ALS2: variants seen among roughly 807,000 people sequenced by gnomAD.
ALS2 encodes alsin Rho guanine nucleotide exchange factor ALS2.
In ALS2, 117 loss-of-function variants were observed where a neutral mutation model predicts 203.4. That is an observed-to-expected ratio of 0.58 (90% CI 0.50 to 0.67). ALS2 has a LOEUF of 0.67. Among genes scored for constraint, ALS2 ranks in the 30% least tolerant of loss-of-function variants. The pLI is 0.00. For synonymous variants in ALS2, 718 were observed against 725.9 expected (o/e 0.99, Z 0.17); for missense variants, 1,715 against 1,989.4 (o/e 0.86, Z 2.62).
At chr2:201,759,693 G>A in intron 4 of ALS2, 1 of 983,918 alleles carries the variant, frequency 1.0e-6, no homozygotes, top group Non-Finnish European at 1.2e-6. Flanking sequence ...AAGTTTCAGT[G>A]AATAGATTGT....
chr2:201,712,622 A>G (rs1203214186), intron 25 of ALS2, among the ~76,000 whole-genome samples: 4 of 152,230 alleles, frequency 2.6e-5, no homozygotes, highest in Non-Finnish European at 5.9e-5. Flanking sequence ...TAAACTCAAG[A>G]AAGTCACAGT....
rs1689582095 is a variant in ALS2, at chr2:201,704,516, T to G, written c.4776A>C (p.Glu1592Asp). The G allele has an allele frequency of 5.0e-6, 8 of 1,614,112 alleles. No individual in the cohort carries two copies. In the East Asian group the frequency reaches 1.8e-4, roughly 36 times the overall value. ...AGTCATCCATGGACCACAAGAAGTC[T>G]TCGTGGAGTGACGCCAGGACACTCT... ...ISQSVLASLH[E>D]DFLWSMDDLF... The change falls in exon 32 of 34, where the codon GAA becomes GAC. Residue 1592 changes from glutamate (E) to aspartate (D), a missense_variant. By Grantham distance (45) the Glu-to-Asp change is conservative (BLOSUM62 2). Transcript: ENST00000264276.
chr2:201,728,987 G>A (rs1691369859), intron 14 of ALS2, 65 bp downstream of exon 14: 3 of 1,610,250 alleles, frequency 1.9e-6, no homozygotes, highest in Admixed American at 1.7e-5. Context: ...AGAGAAAATT[G>A]TATCAATTGT....
intron 25 of ALS2, among the ~76,000 whole-genome samples, chr2:201,712,492 T>C (rs2105975828): frequency 6.6e-6 from 1 of 152,318 alleles, no homozygotes; most frequent in Middle Eastern, 3.4e-3. Context: ...CATGTGGAAA[T>C]GAAGACCAGC....
rs754661530 is a variant in ALS2 at position 201,749,772 on chromosome 2, G to A, written c.1755C>T (p.Ser585=). ...AATGCCCAAGTTGACCAAAGGTATT[G>A]CTACCCCATGAGTAAACCTATCAAA... ...TAKSQVYSWG[S]NTFGQLGHSD... is the part of the protein sequence containing the mutation. The change falls in exon 8 of 34, where the codon AGC becomes AGT. Residue 585 remains serine, a synonymous_variant. Transcript: ENST00000264276. The A allele has an allele frequency of 6.2e-7, 1 of 1,614,058 alleles. No individual in the cohort carries two copies. Among genetic ancestry groups the A allele is most frequent in the Non-Finnish European group, 8.5e-7 (1 of 1,179,954 alleles).
chr2:201,758,784 G>GTGTGTGTGTA (rs767192761), intron 4 of ALS2, among the ~76,000 whole-genome samples: 1 of 151,720 alleles, frequency 6.6e-6, no homozygotes, highest in Non-Finnish European at 1.5e-5. Context: ...GTGTGTGTGT[G>GTGTGTGTGTA]TTTGTTTGTA....
rs775642275 is a variant in ALS2, at chr2:201,709,939, A to G, written c.4222T>C (p.Leu1408=). 1.9e-6 allele frequency: 3 copies of G among 1,614,148 alleles called. No homozygotes were observed. The highest frequency in any genetic ancestry group is 2.2e-5 in the East Asian group (1 of 44,874). The change falls in exon 27 of 34, where the codon TTG becomes CTG. Residue 1408 remains leucine (L), a synonymous_variant. Coordinates refer to ENST00000264276, the MANE Select transcript of ALS2 (RefSeq NM_020919.4). ...YVGVGANRRL[L]QEAVKEIKSY... is the part of the protein sequence containing the mutation. ...TTAATCTCCTTTACAGCCTCCTGCAATAACCTGCGGTTGGCTCCTACGCCC... is the reference window on the plus strand; with the variant it reads ...TTAATCTCCTTTACAGCCTCCTGCAGTAACCTGCGGTTGGCTCCTACGCCC...
intron 8 of ALS2, among the ~76,000 whole-genome samples, chr2:201,749,146 C>G (rs748512362): frequency 6.6e-6 from 1 of 151,916 alleles, no homozygotes; most frequent in East Asian, 1.9e-4. Context: ...TGCTACAGAA[C>G]TTCATCAAAG....
intron 25 of ALS2, among the ~76,000 whole-genome samples, chr2:201,714,855 T>C (rs924002055): frequency 1.3e-5 from 2 of 152,060 alleles, no homozygotes; most frequent in Non-Finnish European, 2.9e-5. Context: ...AGCCCAGGAG[T>C]TCACAAACAA....
chr2:201,752,552 T>C (rs1006686355), intron 7 of ALS2, among the ~76,000 whole-genome samples: 3 of 152,188 alleles, frequency 2.0e-5, no homozygotes, highest in African/African-American at 7.2e-5. Flanking sequence ...TCAAATCAAA[T>C]ATTAAAAGGG....
At chr2:201,747,696 G>A (rs1426728883) in intron 8 of ALS2, among the ~76,000 whole-genome samples, 2 of 152,072 alleles carry the variant, frequency 1.3e-5, no homozygotes, top group African/African-American at 4.8e-5. Context: ...TGATTCGCCC[G>A]CCTCAGCCTC....
chr2:201,718,818 G>C (rs1036140023), intron 23 of ALS2, among the ~76,000 whole-genome samples: 3 of 152,124 alleles, frequency 2.0e-5, no homozygotes, highest in Admixed American at 2.0e-4. Flanking sequence ...GCAGTGCTTA[G>C]AGGGAAACTT....
At chr2:201,739,904 G>A (rs1692157725) in intron 11 of ALS2, among the ~76,000 whole-genome samples, 1 of 152,104 alleles carries the variant, frequency 6.6e-6, no homozygotes, top group Non-Finnish European at 1.5e-5. Context: ...TACACACTTG[G>A]GCTGGCAAAT....
intron 7 of ALS2, among the ~76,000 whole-genome samples, chr2:201,750,998 G>A (rs936996370): frequency 1.3e-5 from 2 of 151,632 alleles, no homozygotes; most frequent in African/African-American, 2.4e-5. Context: ...GATTACAGGC[G>A]CCTGTCATCA....
intron 29 of ALS2, among the ~76,000 whole-genome samples, 187 bp downstream of exon 29, chr2:201,706,659 C>T (rs1689737766): frequency 6.6e-6 from 1 of 150,660 alleles, no homozygotes; most frequent in Admixed American, 6.6e-5. Context: ...CAGCAGGTTT[C>T]ATACTCATCT....
chr2:201,772,099 T>C (rs1488786690), intron 1 of ALS2, among the ~76,000 whole-genome samples: 1 of 152,216 alleles, frequency 6.6e-6, no homozygotes, highest in Non-Finnish European at 1.5e-5. Context: ...CACAGTGATA[T>C]GTAAAGTAAC....
chr2:201,735,964 GGTTT>G (rs1423017676), intron 12 of ALS2, among the ~76,000 whole-genome samples: 1 of 151,946 alleles, frequency 6.6e-6, no homozygotes, highest in Non-Finnish European at 1.5e-5. Flanking sequence ...TTTAATTATT[GGTTT>G]GGCTACAGCC....
At position 201,761,108 on chromosome 2, in the gene ALS2, C is replaced by T. The variant is rs765049503; in HGVS notation, c.886G>A (p.Ala296Thr). The part of the protein sequence containing the change: ...QEEVFENTLV[A>T]NDQSVATELN... ...TCAGTAGCAACAGACTGATCATTTGCTACAAGAGTGTTCTCAAATACTTCT... is the reference window on the plus strand; with the variant it reads ...TCAGTAGCAACAGACTGATCATTTGTTACAAGAGTGTTCTCAAATACTTCT... Residue 296 changes from alanine to threonine, a missense_variant, in exon 4 of 34, where the codon GCA becomes ACA. Ala to Thr is a moderately conservative substitution (Grantham distance 58). Coordinates refer to ENST00000264276, the MANE Select transcript of ALS2 (RefSeq NM_020919.4). 1.8e-5 allele frequency: 29 copies of T among 1,614,052 alleles called. No individual in the cohort carries two copies. Among genetic ancestry groups the T allele is most frequent in the South Asian group, 2.2e-5 (2 of 91,084 alleles).
chr2:201,754,100 C>T (rs1208607594), intron 6 of ALS2, among the ~76,000 whole-genome samples: 1 of 151,840 alleles, frequency 6.6e-6, no homozygotes, highest in Non-Finnish European at 1.5e-5. Context: ...AACCTCTGCC[C>T]TTCCCAGATT....
Sources: allele counts gnomAD v4.1 joint callset (sites outside exome capture counted in the v4.1 genomes callset), GRCh38; gene constraint gnomAD v4.1.1; transcripts MANE v1.5; gene names NCBI Gene and HGNC (gene_info 2026-07-23, HGNC 2026-07-21).